Variants in GRID2 observed in about 807,000 individuals in gnomAD.
The protein encoded by GRID2 is glutamate receptor ionotropic, delta-2.
In GRID2, 33 loss-of-function variants were observed where a neutral mutation model predicts 114.8. The ratio of observed to expected loss-of-function variants is 0.29; its 90% CI spans 0.22 to 0.38. GRID2 has a LOEUF of 0.38. Ranked by LOEUF, GRID2 falls within the 10% of genes least tolerant of loss-of-function variation. GRID2 has a pLI of 1.00. For missense variants in GRID2, 1,184 were observed against 1,257.7 expected (o/e 0.94, Z 0.89); for synonymous variants, 505 against 449.9 (o/e 1.12, Z -1.55).
chr4:93,305,289 A>C (rs369726312), intron 8 of GRID2, among the ~76,000 whole-genome samples: 2 of 152,196 alleles, frequency 1.3e-5, no homozygotes, highest in African/African-American at 4.8e-5. Flanking sequence ...TACTTGTAGT[A>C]AAGTGAAAGT....
chr4:92,957,854 A>T (rs568022852), intron 2 of GRID2, among the ~76,000 whole-genome samples: 2 of 151,974 alleles, frequency 1.3e-5, no homozygotes, highest in Non-Finnish European at 2.9e-5. Context: ...TTTTCCTCAT[A>T]TAGATTCTGT....
At chr4:92,636,500 C>G (rs1166762776) in intron 2 of GRID2, among the ~76,000 whole-genome samples, 2 of 152,022 alleles carry the variant, frequency 1.3e-5, no homozygotes, top group Non-Finnish European at 2.9e-5. Flanking sequence ...CCTTTGTTCT[C>G]CCTCTATCCA....
intron 13 of GRID2, among the ~76,000 whole-genome samples, chr4:93,524,815 GTATGTATGTATATATATA>G (rs1730701684): frequency 2.0e-5 from 1 of 49,250 alleles, no homozygotes; most frequent in Middle Eastern, 0.016. Context: ...ATATATATAT[GTATGTATGTATATATATA>G]TATATATATA....
intron 2 of GRID2, among the ~76,000 whole-genome samples, chr4:92,991,578 A>C (rs1754908608): frequency 6.6e-6 from 1 of 152,242 alleles, no homozygotes; most frequent in African/African-American, 2.4e-5. Flanking sequence ...CAGTAAACAA[A>C]GTTAAAGAAT....
At chr4:93,386,421 A>G (rs901400579) in intron 8 of GRID2, among the ~76,000 whole-genome samples, 1 of 152,206 alleles carries the variant, frequency 6.6e-6, no homozygotes, top group Non-Finnish European at 1.5e-5. Context: ...AGTCTTCAGT[A>G]AATATAAACC....
rs535048045 is a variant in GRID2 at position 92,620,508 on chromosome 4, C to T, written c.244+30222C>T. ...CTCAAAGAACGCTTCTAGCATTTGG[C>T]ATTTGGTAACTGGACAAGTATACAA... On this transcript the variant is annotated intron_variant, in intron 2 of 15. Coordinates refer to ENST00000282020, the MANE Select transcript of GRID2 (RefSeq NM_001510.4). Among the ~76,000 whole-genome samples, 26 of 151,722 alleles carry T rather than the reference C, an allele frequency of 1.7e-4. No individual in the cohort carries two copies. In the South Asian group the frequency reaches 3.3e-3, roughly 19 times the overall value.
chr4:92,791,501 A>G (rs1002223801), intron 2 of GRID2, among the ~76,000 whole-genome samples: 3 of 151,906 alleles, frequency 2.0e-5, no homozygotes, highest in Non-Finnish European at 2.9e-5. Flanking sequence ...ATGCTATCAA[A>G]TTATATGCTT....
At chr4:92,814,759 G>C (rs1340427577) in intron 2 of GRID2, among the ~76,000 whole-genome samples, 1 of 152,126 alleles carries the variant, frequency 6.6e-6, no homozygotes, top group African/African-American at 2.4e-5. Flanking sequence ...CCATCCACAG[G>C]AAGTGCTGGG....
intron 13 of GRID2, among the ~76,000 whole-genome samples, chr4:93,616,734 G>A (rs1741698339): frequency 6.6e-6 from 1 of 151,398 alleles, no homozygotes; most frequent in African/African-American, 2.4e-5. Flanking sequence ...GTAAACTTTT[G>A]CTTTATGTTT....
At chr4:93,383,391 G>A (rs1395610410) in intron 8 of GRID2, among the ~76,000 whole-genome samples, 1 of 152,180 alleles carries the variant, frequency 6.6e-6, no homozygotes, top group Non-Finnish European at 1.5e-5. Context: ...ATTGGACTAA[G>A]GGTCAGGATA....
chr4:92,367,068 A>G (rs1728904785), intron 1 of GRID2, among the ~76,000 whole-genome samples: 1 of 152,034 alleles, frequency 6.6e-6, no homozygotes, highest in Non-Finnish European at 1.5e-5. Flanking sequence ...AATTTTGTAG[A>G]ATGTCCCTTA....
chr4:93,634,460 CACTAAACACTTG>C (rs1419265675), intron 14 of GRID2, among the ~76,000 whole-genome samples: 1 of 152,136 alleles, frequency 6.6e-6, no homozygotes, highest in Non-Finnish European at 1.5e-5. Flanking sequence ...GCATCTACTA[CACTAAACACTTG>C]ATATGTTTCA....
chr4:92,424,290 C>T (rs1031831693), intron 1 of GRID2, among the ~76,000 whole-genome samples: 2 of 152,046 alleles, frequency 1.3e-5, no homozygotes, highest in Non-Finnish European at 2.9e-5. Context: ...TCTTTCTCTT[C>T]CTGTTCATAT....
At position 92,415,778 on chromosome 4, in the gene GRID2, A is replaced by G. The variant is rs558610953; in HGVS notation, c.88+111034A>G. Among the ~76,000 whole-genome samples the G allele has an allele frequency of 1.7e-4, 20 of 115,538 alleles. No homozygotes were observed. The South Asian group carries it at 3.9e-3, about 22-fold the overall frequency. 75.8% of individuals were successfully genotyped at this position (115,538 alleles called of 152,430 possible). On this transcript the variant is annotated intron_variant, in intron 1 of 15. Transcript: ENST00000282020. ...TATATATATATATATATATATATAT[A>G]TATCACATTTTCTTTATTCACTCAT... is the stretch of plus-strand genomic sequence containing the variant.
chr4:92,760,445 C>T (rs1737950455), intron 2 of GRID2, among the ~76,000 whole-genome samples: 1 of 152,078 alleles, frequency 6.6e-6, no homozygotes, highest in South Asian at 2.1e-4. Context: ...GAGCAGGTCA[C>T]AGCCAGTGCT....
intron 4 of GRID2, among the ~76,000 whole-genome samples, chr4:93,137,889 C>G (rs1735406062): frequency 7.0e-6 from 1 of 143,256 alleles, no homozygotes; most frequent in South Asian, 2.2e-4. Flanking sequence ...TTCAGAAACT[C>G]TTCATGTATT....
chr4:93,240,524 A>G (rs569712737), intron 8 of GRID2, among the ~76,000 whole-genome samples: 2 of 149,732 alleles, frequency 1.3e-5, no homozygotes, highest in South Asian at 4.3e-4. Context: ...TTAGTGTTTT[A>G]TCATTTAATT....
intron 14 of GRID2, among the ~76,000 whole-genome samples, chr4:93,694,617 C>T (rs1339294524): frequency 6.6e-6 from 1 of 152,186 alleles, no homozygotes; most frequent in East Asian, 1.9e-4. Flanking sequence ...TATCACTTTA[C>T]AAACATTCCT....
intron 2 of GRID2, among the ~76,000 whole-genome samples, chr4:92,816,883 C>G (rs1381945163): frequency 6.6e-6 from 1 of 152,080 alleles, no homozygotes; most frequent in African/African-American, 2.4e-5. Flanking sequence ...AATTTAAAAA[C>G]AGGGATATAG....
Sources: allele counts gnomAD v4.1 joint callset (sites outside exome capture counted in the v4.1 genomes callset), GRCh38; gene constraint gnomAD v4.1.1; transcripts MANE v1.5; gene names NCBI Gene and HGNC (gene_info 2026-07-23, HGNC 2026-07-21).